Variants in CAPN3 observed in about 807,000 individuals in gnomAD.
The protein encoded by CAPN3 is calpain 3.
CAPN3 carries 88 observed loss-of-function variants against 114.0 expected under a neutral mutation model. The ratio of observed to expected loss-of-function variants is 0.77; its 90% confidence interval spans 0.65 to 0.92. CAPN3 has a LOEUF of 0.92. Among genes scored for constraint, CAPN3 ranks in the 40% least tolerant of loss-of-function variants. CAPN3 has a pLI of 0.00. For missense variants in CAPN3, 1,028 were observed against 1,069.0 expected (o/e 0.96, Z 0.53); for synonymous variants, 386 against 382.9 (o/e 1.01, Z -0.09).
intron 14 of CAPN3, 135 bp from the exon 15 acceptor site, chr15:42,405,791 T>C (rs533929617): frequency 1.2e-5 from 8 of 692,764 alleles, no homozygotes; most frequent in South Asian, 6.9e-5. Flanking sequence ...TTTGGCTCCA[T>C]GTGATTCAGA....
In CAPN3 at chr15:42,396,871, A is replaced by G. The variant is rs752046508; in HGVS notation, c.1187A>G (p.Glu396Gly). The change falls in exon 9 of 24, where the codon GAG (glutamate) becomes GGG (glycine). Residue 396 changes from glutamate (E) to glycine (G), a missense_variant. Transcript: ENST00000397163. ...CAGCACCAGGTCACTGAGGATGGAG[A>G]GTTCTGGTGAGTCCAGAACCCAGGA... is the stretch of plus-strand genomic sequence containing the variant. ...RLQHQVTEDG[E>G]FWMSYEDFIY... 2 of 1,612,376 alleles carry G rather than the reference A, an allele frequency of 1.2e-6. No individual in the cohort carries two copies. The highest frequency in any genetic ancestry group is 1.7e-6 in the Non-Finnish European group (2 of 1,178,556).
chr15:42,396,568 T>C (rs1049148522), intron 8 of CAPN3, among the ~76,000 whole-genome samples: 1 of 152,060 alleles, frequency 6.6e-6, no homozygotes, highest in African/African-American at 2.4e-5. Flanking sequence ...CTTTAAAGTA[T>C]GATGAAAAGA....
intron 14 of CAPN3, chr15:42,404,231 C>T (rs1764477882): frequency 2.2e-6 from 1 of 457,020 alleles, no homozygotes; most frequent in Non-Finnish European, 4.4e-6. Flanking sequence ...CACTCAGTTT[C>T]CTACTCAGTA....
chr15:42,367,925 A>G (rs1449126258), intron 1 of CAPN3, among the ~76,000 whole-genome samples: 1 of 152,150 alleles, frequency 6.6e-6, no homozygotes, highest in Non-Finnish European at 1.5e-5. Context: ...GACTCTGAGT[A>G]GCTGGGACTA....
chr15:42,367,610 C>A (rs1217565172), intron 1 of CAPN3, among the ~76,000 whole-genome samples: 3 of 152,316 alleles, frequency 2.0e-5, no homozygotes, highest in Non-Finnish European at 4.4e-5. Flanking sequence ...AGATGGATGG[C>A]TTTCTTTCCT....
chr15:42,360,233 C>T, intron 1 of CAPN3, 119 bp downstream of exon 1: 2 of 1,043,504 alleles, frequency 1.9e-6, no homozygotes, highest in Non-Finnish European at 1.5e-6. Context: ...GGCAGCAGCT[C>T]TGCTGGGCTC....
At chr15:42,360,656 A>AAG (rs28364373) in intron 1 of CAPN3, among the ~76,000 whole-genome samples, 55 of 152,306 alleles carry the variant, frequency 3.6e-4, no homozygotes, top group African/African-American at 1.2e-3. Flanking sequence ...GTTGGGGTTA[A>AAG]AGAGAGAGAG....
At position 42,373,176 on chromosome 15, in the gene CAPN3, G is replaced by A. The variant is rs141372996; in HGVS notation, c.310-11307G>A. On this transcript the variant is annotated intron_variant, in intron 1 of 23. Transcript: ENST00000397163. ...CCACCGCACTCCAGCCTGGGTGACA[G>A]AGCAAGACCCTATCTCAAAAATAAA... Among the ~76,000 whole-genome samples, 11 of 152,278 alleles carry A rather than the reference G, an allele frequency of 7.2e-5. No individual in the cohort carries two copies. In the East Asian group the frequency reaches 2.1e-3, roughly 29 times the overall value.
At chr15:42,383,643 TATTTA>T (rs2053306701) in intron 1 of CAPN3, among the ~76,000 whole-genome samples, 1 of 151,822 alleles carries the variant, frequency 6.6e-6, no homozygotes, top group Non-Finnish European at 1.5e-5. Flanking sequence ...ATCTATATTT[TATTTA>T]TTTTTATTAA....
In CAPN3 at chr15:42,410,915, C is replaced by A. The variant is rs765507958; in HGVS notation, c.2295C>A (p.Ile765=). The A allele has an allele frequency of 6.2e-7, 1 of 1,614,186 alleles. No individual in the cohort carries two copies. The highest frequency in any genetic ancestry group is 1.7e-5 in the Admixed American group (1 of 60,028). ...ACCTCAACAACCAGCTCTATGACATCATTACCATGCGGTACGCAGACAAAC... is the reference window on the plus strand; with the variant it reads ...ACCTCAACAACCAGCTCTATGACATAATTACCATGCGGTACGCAGACAAAC... The part of the protein sequence containing the change: ...GFHLNNQLYD[I]ITMRYADKHM... Residue 765 remains isoleucine, a synonymous_variant, in exon 22 of 24, where the codon ATC becomes ATA. Transcript: ENST00000397163.
chr15:42,403,650 G>T, intron 13 of CAPN3, 91 bp from the exon 14 acceptor site: 2 of 1,234,112 alleles, frequency 1.6e-6, no homozygotes, highest in South Asian at 1.2e-5. Context: ...TGGCTTGGCT[G>T]CCAGGAAGCC....
intron 1 of CAPN3, among the ~76,000 whole-genome samples, chr15:42,369,377 CTCTG>C: frequency 6.6e-6 from 1 of 152,186 alleles, no homozygotes; most frequent in South Asian, 2.1e-4. Flanking sequence ...GATGCTCCTG[CTCTG>C]TCACTAGCTA....
Position 42,412,313 on chromosome 15 carries a change from T to A in CAPN3, c.*540T>A. The A allele has an allele frequency of 1.2e-6, 1 of 814,582 alleles. No individual in the cohort carries two copies. The highest frequency in any genetic ancestry group is 1.9e-6 in the Non-Finnish European group (1 of 523,166). 50.5% of individuals were successfully genotyped at this position (814,582 alleles called of 1,614,324 possible). A position where few individuals can be genotyped will look rare whatever the true frequency, so the allele number is the denominator to read the frequency against. ...ATCTAAATAAAGGCATGTGTATGGCTGGTCCCCTTGTGTTTTGTTGTCTCA... is the reference window on the plus strand; with the variant it reads ...ATCTAAATAAAGGCATGTGTATGGCAGGTCCCCTTGTGTTTTGTTGTCTCA... On this transcript the variant is annotated 3_prime_UTR_variant, in exon 24 of 24. Coordinates refer to ENST00000397163, the MANE Select transcript of CAPN3 (RefSeq NM_000070.3).
chr15:42,389,272 C>T (rs989624519), intron 5 of CAPN3, among the ~76,000 whole-genome samples, 176 bp downstream of exon 5: 1 of 152,088 alleles, frequency 6.6e-6, no homozygotes, highest in South Asian at 2.1e-4. Context: ...ACAGTTCTTC[C>T]GGATTTTCAA....
intron 1 of CAPN3, among the ~76,000 whole-genome samples, chr15:42,383,163 G>T (rs1419136867): frequency 6.6e-6 from 1 of 152,190 alleles, no homozygotes; most frequent in African/African-American, 2.4e-5. Context: ...ACCCCTGAGT[G>T]CAGGAGCTTC....
At chr15:42,380,568 G>A (rs28373167) in intron 1 of CAPN3, among the ~76,000 whole-genome samples, 51 of 139,644 alleles carry the variant, frequency 3.7e-4, no homozygotes, top group African/African-American at 1.4e-3. Flanking sequence ...TGTGTGTGTG[G>A]GTGTGTGTGT....
At chr15:42,365,309 C>A (rs1032053248) in intron 1 of CAPN3, among the ~76,000 whole-genome samples, 1 of 152,156 alleles carries the variant, frequency 6.6e-6, no homozygotes, top group African/African-American at 2.4e-5. Flanking sequence ...AGCCCTGAAT[C>A]GGAGTCAAAA....
chr15:42,407,372 A>ACT (rs2054054730), intron 15 of CAPN3, among the ~76,000 whole-genome samples: 1 of 152,018 alleles, frequency 6.6e-6, no homozygotes, highest in Non-Finnish European at 1.5e-5. Flanking sequence ...TCTGTCACCC[A>ACT]GCCTGGAGTG....
chr15:42,408,987 G>C, intron 16 of CAPN3: 1 of 416,550 alleles, frequency 2.4e-6, no homozygotes, highest in Non-Finnish European at 4.5e-6. Flanking sequence ...TGACCTGCGG[G>C]CACCTTTAGT....
Sources: gnomAD v4.1 joint callset for allele counts (sites outside exome capture counted in the v4.1 genomes callset) on GRCh38, gnomAD v4.1.1 for gene constraint, MANE v1.5 for transcripts, NCBI Gene and HGNC (gene_info 2026-07-23, HGNC 2026-07-21) for gene names.